NRDE2: variants seen among roughly 807,000 people sequenced by gnomAD.
NRDE2 encodes the protein NRDE-2, necessary for RNA interference, domain containing.
A neutral mutation model predicts 124.2 loss-of-function variants in NRDE2; 76 were observed. The ratio of observed to expected loss-of-function variants is 0.61; its 90% confidence interval spans 0.51 to 0.74. The LOEUF (loss-of-function observed/expected upper bound fraction) is 0.74. Among genes scored for constraint, NRDE2 ranks in the 30% least tolerant of loss-of-function variants. The pLI, the probability that NRDE2 is intolerant of heterozygous loss-of-function variation, is 0.00. For synonymous variants in NRDE2, 489 were observed against 528.1 expected (o/e 0.93, Z 1.01); for missense variants, 1,314 against 1,417.3 (o/e 0.93, Z 1.17).
chr14:90,322,661 G>T (rs1258606770), intron 1 of NRDE2, among the ~76,000 whole-genome samples: 2 of 152,156 alleles, frequency 1.3e-5, no homozygotes, highest in African/African-American at 4.8e-5. Flanking sequence ...CCAGGCACAG[G>T]TCTAGGTACT....
intron 2 of NRDE2, 98 bp from the exon 3 acceptor site, chr14:90,316,909 T>G: frequency 2.5e-6 from 2 of 816,246 alleles, no homozygotes; most frequent in Non-Finnish European, 3.8e-6. Context: ...TGGAACTATA[T>G]AAATGTTCAC....
chr14:90,270,398 A>C lies in NRDE2; in HGVS notation c.*7938T>G, dbSNP rs1249506886. 5 of 1,584,792 alleles carry C rather than the reference A, an allele frequency of 3.2e-6. No homozygotes were observed. Among genetic ancestry groups the C allele is most frequent in the Non-Finnish European group, 3.4e-6 (4 of 1,166,466 alleles). On this transcript the variant is annotated 3_prime_UTR_variant, in exon 14 of 14. Transcript: ENST00000354366. The stretch of plus-strand genomic sequence containing the variant: ...GCTTATTTCTGGGAATGTGGCCGTC[A>C]ATCAGGAAAGAGTCTATATGTGCTC...
chr14:90,299,984 A>G (rs552735647), intron 7 of NRDE2, among the ~76,000 whole-genome samples: 1 of 152,324 alleles, frequency 6.6e-6, no homozygotes, highest in East Asian at 1.9e-4. Context: ...ACTTTATTCC[A>G]AAGTTGTCAT....
At chr14:90,328,966 G>A (rs553350592) in intron 1 of NRDE2, among the ~76,000 whole-genome samples, 10 of 152,108 alleles carry the variant, frequency 6.6e-5, no homozygotes, top group African/African-American at 2.4e-4. Context: ...GAAACATCTC[G>A]TGAAATTTGA....
Position 90,278,024 on chromosome 14 carries a change from G to C in NRDE2, c.*312C>G, listed in dbSNP as rs967957111. ...CCGTGCGGGGGCCAGTGCTGGCTGC[G>C]CACAGGGAGAGAATGAGCAAGGACG... On this transcript the variant is annotated 3_prime_UTR_variant, in exon 14 of 14. Transcript: ENST00000354366. The C allele has an allele frequency of 3.0e-5, 7 of 235,786 alleles. No individual in the cohort carries two copies. Among genetic ancestry groups the C allele is most frequent in the South Asian group, 6.3e-5 (1 of 15,904 alleles). The allele number at this position is 235,786 out of a possible 1,614,324, so 14.6% of individuals were successfully genotyped here. A position where few individuals can be genotyped will look rare whatever the true frequency, so the allele number is the denominator to read the frequency against.
intron 4 of NRDE2, among the ~76,000 whole-genome samples, chr14:90,307,488 G>A (rs528626339): frequency 4.1e-4 from 62 of 152,282 alleles, no homozygotes; most frequent in African/African-American, 1.5e-3. Flanking sequence ...CACTTTGAGA[G>A]GCCGAGGTGG....
chr14:90,278,536 G>A lies in NRDE2; in HGVS notation c.3370-75C>T, dbSNP rs921162644. The A allele has an allele frequency of 2.5e-6, 4 of 1,584,224 alleles. No homozygotes were observed. The Admixed American group carries it at 6.9e-5, about 27-fold the overall frequency. ...GCCTGGAGGAGCTCAGGAAGCAAGG[G>A]CCAGGTTCCTGGTGACCCTGCCCTC... On this transcript the variant is annotated intron_variant, in intron 13 of 13. Transcript: ENST00000354366.
intron 2 of NRDE2, among the ~76,000 whole-genome samples, chr14:90,317,275 C>A (rs1885079077): frequency 1.3e-5 from 2 of 151,336 alleles, no homozygotes; most frequent in Admixed American, 1.3e-4. Flanking sequence ...TAATAATTTT[C>A]AAAAAAAATC....
intron 10 of NRDE2, among the ~76,000 whole-genome samples, chr14:90,289,732 C>A (rs1021851666): frequency 1.3e-5 from 2 of 152,238 alleles, no homozygotes; most frequent in Admixed American, 6.5e-5. Flanking sequence ...GGATTACAGG[C>A]ACACGCCACA....
chr14:90,310,105 T>C (rs1401784650), intron 4 of NRDE2, among the ~76,000 whole-genome samples: 1 of 152,166 alleles, frequency 6.6e-6, no homozygotes, highest in African/African-American at 2.4e-5. Context: ...GAAGTTACAA[T>C]TTCCAATTTA....
intron 1 of NRDE2, among the ~76,000 whole-genome samples, chr14:90,320,690 G>T (rs896757336): frequency 6.6e-6 from 1 of 152,128 alleles, no homozygotes; most frequent in African/African-American, 2.4e-5. Flanking sequence ...AGAAAGAAAG[G>T]CATATTAAAC....
intron 12 of NRDE2, among the ~76,000 whole-genome samples, chr14:90,284,557 C>T (rs1439980011): frequency 6.6e-6 from 1 of 151,894 alleles, no homozygotes; most frequent in African/African-American, 2.4e-5. Context: ...TTAGTAGTGA[C>T]GGGGTTTCGC....
intron 1 of NRDE2, among the ~76,000 whole-genome samples, chr14:90,319,030 G>C (rs1042897470): frequency 1.3e-5 from 2 of 152,046 alleles, no homozygotes; most frequent in Non-Finnish European, 2.9e-5. Context: ...ATTATCTCTA[G>C]GTGATTACAT....
In NRDE2 at chr14:90,277,720, G is replaced by A. The variant is rs1891835726; in HGVS notation, c.*616C>T. The A allele has an allele frequency of 6.6e-6, 1 of 152,364 alleles. No individual in the cohort carries two copies. Among genetic ancestry groups the A allele is most frequent in the Admixed American group, 6.5e-5 (1 of 15,298 alleles). 9.4% of individuals were successfully genotyped at this position (152,364 alleles called of 1,614,324 possible). On this transcript the variant is annotated 3_prime_UTR_variant, in exon 14 of 14. Coordinates refer to ENST00000354366, the MANE Select transcript of NRDE2 (RefSeq NM_017970.4). ...CTCAAGTGGCCTGGGACCTGCTGAA[G>A]AGCGGGTTCTGACTCCACAGGCCTG...
chr14:90,331,677 C>T lies in NRDE2; in HGVS notation c.64+164G>A, dbSNP rs115112994. Among the ~76,000 whole-genome samples the T allele has an allele frequency of 2.4e-3, 364 of 152,316 alleles. 3 individuals carry two copies. Among genetic ancestry groups the T allele is most frequent in the African/African-American group, 8.5e-3 (355 of 41,582 alleles). ...TGGTCCAGAACAGGCCTCTGGGCCC[C>T]AGACCTCGGAGGGATTGAGCCTTTC... On this transcript the variant is annotated intron_variant, in intron 1 of 13. Coordinates refer to ENST00000354366, the MANE Select transcript of NRDE2 (RefSeq NM_017970.4).
rs140120746 is a variant in NRDE2, at chr14:90,307,212, A to G, written c.558-2830T>C. 3.7e-3 allele frequency among the ~76,000 whole-genome samples: 571 copies of G among 152,312 alleles called. 2 individuals are homozygous for G. The highest frequency in any genetic ancestry group is 0.013 in the African/African-American group (553 of 41,564). ...CCTTCCTACTTTAAAGCATCTCCTC[A>G]TACCATTAATCTTAGAAAATATAAT... On this transcript the variant is annotated intron_variant, in intron 4 of 13. Coordinates refer to ENST00000354366, the MANE Select transcript of NRDE2 (RefSeq NM_017970.4).
Position 90,304,398 on chromosome 14 carries a change from GA to G in NRDE2, c.558-17del, listed in dbSNP as rs537887094. ...CCTCTTGTATCTGATATTAGAAAAA[GA>G]AAAAAAGTTACTGAGGGAATACGTG... On this transcript the variant is annotated splice_polypyrimidine_tract_variant and intron_variant, in intron 4 of 13. Coordinates refer to ENST00000354366, the MANE Select transcript of NRDE2 (RefSeq NM_017970.4). 5.9e-4 allele frequency: 917 copies of G among 1,555,228 alleles called. No individual in the cohort carries two copies. Among genetic ancestry groups the G allele is most frequent in the Non-Finnish European group, 7.3e-4 (841 of 1,155,396 alleles).
chr14:90,322,276 T>TA (rs775742957), intron 1 of NRDE2, among the ~76,000 whole-genome samples: 1 of 151,872 alleles, frequency 6.6e-6, no homozygotes, highest in Non-Finnish European at 1.5e-5. Context: ...AAAGAAAAAA[T>TA]AAACACCAAC....
intron 1 of NRDE2, among the ~76,000 whole-genome samples, chr14:90,324,691 AAG>A (rs1491027106): frequency 2.0e-5 from 3 of 151,696 alleles, no homozygotes; most frequent in Admixed American, 6.6e-5. Context: ...AAAAAAAAAA[AAG>A]AGCACACACT....
Sources: allele counts gnomAD v4.1 joint callset (sites outside exome capture counted in the v4.1 genomes callset), GRCh38; gene constraint gnomAD v4.1.1; transcripts MANE v1.5; gene names NCBI Gene and HGNC (gene_info 2026-07-23, HGNC 2026-07-21).